Variants in TMTC3 observed in about 807,000 individuals in gnomAD.
TMTC3 encodes protein O-mannosyl-transferase TMTC3.
Under a neutral mutation model 92.2 loss-of-function variants are expected in TMTC3, and 52 were observed. That is an observed-to-expected ratio of 0.56 (90% CI 0.45 to 0.71). The LOEUF (loss-of-function observed/expected upper bound fraction) is 0.71, where lower values mean the gene tolerates loss of function less well. Among genes scored for constraint, TMTC3 ranks in the 30% least tolerant of loss-of-function variants. The pLI is 0.00. For missense variants in TMTC3, 896 were observed against 1,057.1 expected (o/e 0.85, Z 2.11); for synonymous variants, 339 against 363.3 (o/e 0.93, Z 0.76).
chr12:88,189,725 G>T (rs958321415), intron 11 of TMTC3, among the ~76,000 whole-genome samples: 1 of 152,032 alleles, frequency 6.6e-6, no homozygotes, highest in Non-Finnish European at 1.5e-5. Context: ...GTGACCGTAG[G>T]ATAGTTAATT....
chr12:88,157,000 C>G (rs1362470164), intron 4 of TMTC3, among the ~76,000 whole-genome samples: 1 of 151,892 alleles, frequency 6.6e-6, no homozygotes, highest in Non-Finnish European at 1.5e-5. Flanking sequence ...CATTTCTAAC[C>G]TGAAAATACA....
chr12:88,164,471 G>A (rs2041120470), intron 6 of TMTC3, among the ~76,000 whole-genome samples: 1 of 151,666 alleles, frequency 6.6e-6, no homozygotes, highest in South Asian at 2.1e-4. Context: ...TCTTCTCTCA[G>A]GTATTACAGT....
chr12:88,168,579 AG>A (rs1236745146), intron 7 of TMTC3, among the ~76,000 whole-genome samples: 1 of 152,180 alleles, frequency 6.6e-6, no homozygotes, highest in African/African-American at 2.4e-5. Flanking sequence ...TCAGCTACTC[AG>A]CTGACTTTTT....
chr12:88,175,658 A>G (rs943463331), intron 9 of TMTC3, among the ~76,000 whole-genome samples: 14 of 151,774 alleles, frequency 9.2e-5, no homozygotes, highest in African/African-American at 3.4e-4. Context: ...GCTTATACTC[A>G]CTCCCAGGAC....
At chr12:88,158,372 T>C (rs940821762) in intron 4 of TMTC3, among the ~76,000 whole-genome samples, 1 of 152,160 alleles carries the variant, frequency 6.6e-6, no homozygotes, top group Non-Finnish European at 1.5e-5. Flanking sequence ...GTCCAGCCTG[T>C]TTTGTAAATA....
intron 7 of TMTC3, among the ~76,000 whole-genome samples, chr12:88,170,048 C>G (rs951504462): frequency 2.0e-5 from 3 of 152,064 alleles, no homozygotes; most frequent in Non-Finnish European, 4.4e-5. Context: ...GAACTCTTTG[C>G]TCTTTCTACT....
Position 88,195,393 on chromosome 12 carries a change from C to T in TMTC3, c.2489C>T (p.Thr830Ile). Reference protein sequence around the residue: ...SSSFIEPIFPTSKISSVEGKK... With the variant: ...SSSFIEPIFPISKISSVEGKK... ...AGTTTTATAGAGCCAATATTCCCAA[C>T]CAGTAAGATTTCAAGTGTGGAAGGA... Residue 830 changes from threonine (T) to isoleucine (I), a missense_variant, in exon 14 of 14, where the codon ACC becomes ATC. Thr to Ile is a moderately conservative substitution (Grantham distance 89). Coordinates refer to ENST00000266712, the MANE Select transcript of TMTC3 (RefSeq NM_181783.4). 6.2e-7 allele frequency: 1 copy of T among 1,613,678 alleles called. No homozygotes were observed. The highest frequency in any genetic ancestry group is 1.1e-5 in the South Asian group (1 of 91,058).
chr12:88,166,906 G>A (rs2041149578), intron 7 of TMTC3, among the ~76,000 whole-genome samples: 1 of 151,170 alleles, frequency 6.6e-6, no homozygotes, highest in Non-Finnish European at 1.5e-5. Context: ...GAAATATAGA[G>A]CTTTTCAGTT....
intron 10 of TMTC3, among the ~76,000 whole-genome samples, chr12:88,177,955 A>AAAGCAACAGG (rs1278777710): frequency 6.6e-6 from 1 of 152,230 alleles, no homozygotes; most frequent in Non-Finnish European, 1.5e-5. Context: ...AATGTTAGAG[A>AAAGCAACAGG]AAGCAACAGG....
chr12:88,194,078 A>G (rs1219279885), intron 13 of TMTC3, among the ~76,000 whole-genome samples: 1 of 151,972 alleles, frequency 6.6e-6, no homozygotes, highest in Non-Finnish European at 1.5e-5. Context: ...TAAAATCAGC[A>G]AGAAATGATG....
rs1297937775 is a variant in TMTC3 at position 88,192,842 on chromosome 12, C to G, written c.1933+12C>G. ...AATGCAAGAATCAGGTATGTTTTCTCAAAATATTTCTGTTTATATAAATTG... is the reference window on the plus strand; with the variant it reads ...AATGCAAGAATCAGGTATGTTTTCTGAAAATATTTCTGTTTATATAAATTG... On this transcript the variant is annotated intron_variant, in intron 13 of 13. Coordinates refer to ENST00000266712, the MANE Select transcript of TMTC3 (RefSeq NM_181783.4). 3 of 1,586,260 alleles carry G rather than the reference C, an allele frequency of 1.9e-6. No homozygotes were observed. The highest frequency in any genetic ancestry group is 3.5e-5 in the Admixed American group (2 of 57,916).
intron 1 of TMTC3, among the ~76,000 whole-genome samples, chr12:88,145,133 G>A (rs965635788): frequency 1.3e-5 from 2 of 151,996 alleles, no homozygotes; most frequent in African/African-American, 4.8e-5. Flanking sequence ...CCTTTTTGCT[G>A]ACTTACCAAG....
intron 7 of TMTC3, among the ~76,000 whole-genome samples, chr12:88,167,566 T>G (rs189017322): frequency 3.5e-4 from 54 of 152,314 alleles, no homozygotes; most frequent in African/African-American, 1.3e-3. Context: ...GACTTTACCC[T>G]TTGTACAGTG....
intron 12 of TMTC3, among the ~76,000 whole-genome samples, chr12:88,190,997 G>A (rs1214757062): frequency 6.6e-6 from 1 of 151,998 alleles, no homozygotes; most frequent in East Asian, 1.9e-4. Flanking sequence ...CTTGTTTTTA[G>A]AGTTGATTGG....
At position 88,195,087 on chromosome 12, in the gene TMTC3, T is replaced by TA; in HGVS notation, c.2184dup (p.Leu729ThrfsTer6). ...AAGGCTTTGCCAATTTTGGAGGAGT[T>TA]ACTCAGATACTACCCTGATCATATC... On this transcript the variant is annotated frameshift_variant, in exon 14 of 14. Coordinates refer to ENST00000266712, the MANE Select transcript of TMTC3 (RefSeq NM_181783.4). LOFTEE classifies it high-confidence loss of function. 6.2e-7 allele frequency: 1 copy of TA among 1,613,860 alleles called. No individual in the cohort carries two copies. Among genetic ancestry groups the TA allele is most frequent in the South Asian group, 1.1e-5 (1 of 91,066 alleles).
chr12:88,182,746 G>A (rs1026874583), intron 10 of TMTC3, among the ~76,000 whole-genome samples: 2 of 152,126 alleles, frequency 1.3e-5, no homozygotes, highest in Non-Finnish European at 2.9e-5. Flanking sequence ...TGGGAGCAAA[G>A]CCTGATTTAC....
intron 12 of TMTC3, 136 bp from the exon 13 acceptor site, chr12:88,192,468 G>T (rs1323961292): frequency 5.0e-6 from 3 of 597,204 alleles, no homozygotes; most frequent in African/African-American, 3.8e-5. Context: ...AGTTGTTTTC[G>T]AAAGAGAGTT....
At chr12:88,174,573 AT>A (rs752753275) in intron 8 of TMTC3, 33 bp from the exon 9 acceptor site, 34 of 1,584,582 alleles carry the variant, frequency 2.1e-5, no homozygotes, top group Admixed American at 9.4e-5. Context: ...GATGAAGACA[AT>A]TTTTTTTGTT....
intron 4 of TMTC3, among the ~76,000 whole-genome samples, chr12:88,157,844 G>A (rs2041029164): frequency 6.6e-6 from 1 of 152,126 alleles, no homozygotes; most frequent in Non-Finnish European, 1.5e-5. Context: ...TGTTTATATA[G>A]TAATATAGTC....
Sources: allele counts gnomAD v4.1 joint callset (sites outside exome capture counted in the v4.1 genomes callset), GRCh38; gene constraint gnomAD v4.1.1; transcripts MANE v1.5; gene names NCBI Gene and HGNC (gene_info 2026-07-23, HGNC 2026-07-21).